MACROD2: variants seen among roughly 807,000 people sequenced by gnomAD.
The protein encoded by MACROD2 is mono-ADP ribosylhydrolase 2.
MACROD2 carries 36 observed loss-of-function variants against 70.4 expected under a neutral mutation model. That is an observed-to-expected ratio of 0.51 (90% confidence interval 0.39 to 0.68). MACROD2 has a LOEUF of 0.68. MACROD2 is among the 30% of genes least tolerant of loss of function. MACROD2 has a pLI of 0.00. For missense variants in MACROD2, 496 were observed against 538.4 expected, an observed-to-expected ratio of 0.92 and a Z score of 0.78; for synonymous variants, 172 against 178.8, an observed-to-expected ratio of 0.96 and a Z score of 0.30.
At chr20:14,008,196 A>G (rs555991674) in intron 2 of MACROD2, among the ~76,000 whole-genome samples, 1 of 152,320 alleles carries the variant, frequency 6.6e-6, no homozygotes, top group African/African-American at 2.4e-5. Flanking sequence ...TTGTTTGTAG[A>G]TGACATGATC....
chr20:14,590,328 A>G (rs181148429), intron 4 of MACROD2, among the ~76,000 whole-genome samples: 197 of 152,236 alleles, frequency 1.3e-3, no homozygotes, highest in African/African-American at 4.6e-3. Flanking sequence ...TTGTACTGTC[A>G]CTCATTTACC....
At chr20:14,054,943 ACTGCCTTT>A (rs1490814857) in intron 2 of MACROD2, among the ~76,000 whole-genome samples, 1 of 152,188 alleles carries the variant, frequency 6.6e-6, no homozygotes, top group Non-Finnish European at 1.5e-5. Flanking sequence ...TTATTTATAG[ACTGCCTTT>A]CTGAAAATAG....
intron 5 of MACROD2, among the ~76,000 whole-genome samples, chr20:15,115,148 A>T (rs779039529): frequency 4.6e-5 from 7 of 152,130 alleles, no homozygotes; most frequent in Non-Finnish European, 7.4e-5. Flanking sequence ...GCAGTCAAAA[A>T]ATTCCTATTG....
At chr20:14,034,686 C>CTA (rs1220356275) in intron 2 of MACROD2, among the ~76,000 whole-genome samples, 1 of 152,104 alleles carries the variant, frequency 6.6e-6, no homozygotes, top group Admixed American at 6.5e-5. Context: ...ATTCGTCAGC[C>CTA]GTTTATTATA....
rs1047546739 is a variant in MACROD2, at chr20:15,892,520, T to C, written c.775+6709T>C. Among the ~76,000 whole-genome samples, 5 of 152,344 alleles carry C rather than the reference T, an allele frequency of 3.3e-5. No individual in the cohort carries two copies. In the East Asian group the frequency reaches 9.6e-4, roughly 29 times the overall value. ...CTAGCCCCATTCCTTTCTCCATTCC[T>C]CTAGCCCTGCGTTCAGGACTGAGTA... On this transcript the variant is annotated intron_variant, in intron 10 of 17. Coordinates refer to ENST00000684519, the MANE Select transcript of MACROD2 (RefSeq NM_001351661.2).
chr20:14,973,155 A>G (rs1298964415), intron 5 of MACROD2, among the ~76,000 whole-genome samples: 1 of 151,350 alleles, frequency 6.6e-6, no homozygotes, highest in Non-Finnish European at 1.5e-5. Context: ...CTGAAGTTCC[A>G]TTATGCCACA....
At chr20:14,980,727 T>A (rs993676004) in intron 5 of MACROD2, among the ~76,000 whole-genome samples, 1 of 152,128 alleles carries the variant, frequency 6.6e-6, no homozygotes, top group African/African-American at 2.4e-5. Flanking sequence ...TGGTTGCCAT[T>A]TTTATTGACC....
intron 4 of MACROD2, among the ~76,000 whole-genome samples, chr20:14,626,379 A>G (rs1984163538): frequency 6.6e-6 from 1 of 152,130 alleles, no homozygotes; most frequent in Admixed American, 6.5e-5. Context: ...CAGATATAGT[A>G]TATAGCCTAA....
chr20:14,482,659 A>C (rs1399594725), intron 3 of MACROD2, among the ~76,000 whole-genome samples: 1 of 150,660 alleles, frequency 6.6e-6, no homozygotes, highest in East Asian at 2.0e-4. Flanking sequence ...AGATTGGAAA[A>C]AGAAGAAAAG....
intron 5 of MACROD2, among the ~76,000 whole-genome samples, chr20:15,210,552 G>GTTTTTTTTTTTTTTTTGGTTTTTTT (rs2076753571): frequency 8.2e-6 from 1 of 121,652 alleles, no homozygotes; most frequent in Non-Finnish European, 1.7e-5. Context: ...CTTTTCTTCT[G>GTTTTTTTTTTTTTTTTGGTTTTTTT]TTTTTTTTTT....
At chr20:14,415,228 C>T (rs553861818) in intron 3 of MACROD2, among the ~76,000 whole-genome samples, 37 of 152,204 alleles carry the variant, frequency 2.4e-4, no homozygotes, top group African/African-American at 7.9e-4. Context: ...AAATTTTATA[C>T]CAGCGTGTAA....
At chr20:15,531,183 A>T (rs980194120) in intron 8 of MACROD2, among the ~76,000 whole-genome samples, 1 of 151,766 alleles carries the variant, frequency 6.6e-6, no homozygotes, top group African/African-American at 2.4e-5. Context: ...TAGGAAAAAA[A>T]TTTTAATATT....
chr20:15,845,890 C>G (rs1018435819), intron 8 of MACROD2, among the ~76,000 whole-genome samples: 1 of 152,162 alleles, frequency 6.6e-6, no homozygotes, highest in African/African-American at 2.4e-5. Context: ...ATCCCACACA[C>G]AAAACTGTGA....
chr20:15,066,743 G>A (rs950461766), intron 5 of MACROD2, among the ~76,000 whole-genome samples: 4 of 151,912 alleles, frequency 2.6e-5, no homozygotes, highest in Non-Finnish European at 4.4e-5. Flanking sequence ...TTATGCAGGC[G>A]TGGTGGTGGG....
In MACROD2 at chr20:15,842,996, G is replaced by A. The variant is rs543279611; in HGVS notation, c.646-19749G>A. ...TTTAGTAGAGTAGGCACCTAGAAAA[G>A]AGACAGGAAACAGTAGACTAGATTT... On this transcript the variant is annotated intron_variant, in intron 8 of 17. Transcript: ENST00000684519. 3.3e-5 allele frequency among the ~76,000 whole-genome samples: 5 copies of A among 152,250 alleles called. No individual in the cohort carries two copies. The South Asian group carries it at 6.2e-4, about 19-fold the overall frequency.
chr20:16,010,834 A>G (rs1192039894), intron 15 of MACROD2, among the ~76,000 whole-genome samples: 1 of 152,222 alleles, frequency 6.6e-6, no homozygotes, highest in African/African-American at 2.4e-5. Context: ...GCAAATCAGT[A>G]ACTGGAGTAC....
At chr20:15,258,379 A>G (rs905107759) in intron 6 of MACROD2, among the ~76,000 whole-genome samples, 6 of 152,106 alleles carry the variant, frequency 3.9e-5, no homozygotes, top group Non-Finnish European at 8.8e-5. Context: ...AGCTCCCTTC[A>G]TGGCAAGTGC....
chr20:14,593,807 G>A (rs1294387452), intron 4 of MACROD2, among the ~76,000 whole-genome samples: 1 of 151,956 alleles, frequency 6.6e-6, no homozygotes, highest in African/African-American at 2.4e-5. Context: ...TTTTAAAAAA[G>A]TGATCACATT....
intron 11 of MACROD2, among the ~76,000 whole-genome samples, chr20:15,937,030 C>T (rs1187638908): frequency 6.6e-6 from 1 of 152,168 alleles, no homozygotes; most frequent in African/African-American, 2.4e-5. Flanking sequence ...CTGCTCCCTG[C>T]AGTTTGACAG....
Sources: allele counts gnomAD v4.1 joint callset (sites outside exome capture counted in the v4.1 genomes callset), GRCh38; gene constraint gnomAD v4.1.1; transcripts MANE v1.5; gene names NCBI Gene and HGNC (gene_info 2026-07-23, HGNC 2026-07-21).